The following MCUB variants were observed in gnomAD, a reference collection of about 807,000 sequenced individuals.
MCUB encodes the protein calcium uniporter regulatory subunit MCUb, mitochondrial.
A neutral mutation model predicts 41.4 loss-of-function variants in MCUB; 46 were observed. The observed-to-expected ratio is 1.11, with a 90% CI of 0.88 to 1.42. The LOEUF is 1.42. Among genes scored for constraint, MCUB ranks in the 40% most tolerant of loss-of-function variants. The probability of loss-of-function intolerance (pLI) is 0.00; values close to 1 mark genes in which losing one functional copy is unlikely to be tolerated. For synonymous variants in MCUB, 148 were observed against 148.2 expected (o/e 1.00, Z 0.01); for missense variants, 403 against 404.9 (o/e 1.00, Z 0.04).
Position 109,588,437 on chromosome 4 carries a change from A to G in MCUB, c.99+28001A>G, listed in dbSNP as rs566018580. 4.6e-5 allele frequency among the ~76,000 whole-genome samples: 7 copies of G among 152,320 alleles called. No homozygotes were observed. In the South Asian group the frequency reaches 1.5e-3, roughly 32 times the overall value. ...TATTTGAGTCACTGAATTCAGTTGCATCTTACTCTGTGCCAGCTAATCTGA... is the reference window on the plus strand; with the variant it reads ...TATTTGAGTCACTGAATTCAGTTGCGTCTTACTCTGTGCCAGCTAATCTGA... On this transcript the variant is annotated intron_variant, in intron 1 of 7. Coordinates refer to ENST00000394650, the MANE Select transcript of MCUB (RefSeq NM_017918.5).
At chr4:109,598,379 G>A (rs990309114) in intron 1 of MCUB, among the ~76,000 whole-genome samples, 23 of 152,192 alleles carry the variant, frequency 1.5e-4, no homozygotes, top group African/African-American at 5.3e-4. Flanking sequence ...GATCACTCGC[G>A]GTTAGGAGCT....
At chr4:109,620,842 G>A (rs1342441747) in intron 1 of MCUB, among the ~76,000 whole-genome samples, 1 of 151,906 alleles carries the variant, frequency 6.6e-6, no homozygotes, top group African/African-American at 2.4e-5. Context: ...TTATGGGACT[G>A]AAGCTCAGAG....
chr4:109,658,677 T>C (rs1355433479), intron 1 of MCUB, among the ~76,000 whole-genome samples: 1 of 152,198 alleles, frequency 6.6e-6, no homozygotes, highest in African/African-American at 2.4e-5. Context: ...AGACTAGATA[T>C]ACTTATGTCC....
chr4:109,597,494 T>C (rs1727593099), intron 1 of MCUB, among the ~76,000 whole-genome samples: 2 of 139,688 alleles, frequency 1.4e-5, no homozygotes, highest in South Asian at 2.3e-4. Context: ...ACGGGGCGGC[T>C]GGCCGGGCGG....
At chr4:109,566,566 G>T (rs554128884) in intron 1 of MCUB, among the ~76,000 whole-genome samples, 8 of 152,230 alleles carry the variant, frequency 5.3e-5, no homozygotes, top group African/African-American at 1.7e-4. Context: ...TCATAAAAGA[G>T]AATTTTTCAA....
chr4:109,560,416 C>T lies in MCUB; in HGVS notation c.79C>T (p.Pro27Ser). The T allele has an allele frequency of 7.7e-7, 1 of 1,301,406 alleles. No homozygotes were observed. Among genetic ancestry groups the T allele is most frequent in the Non-Finnish European group, 9.7e-7 (1 of 1,025,934 alleles). 80.6% of individuals were successfully genotyped at this position (1,301,406 alleles called of 1,614,324 possible). A position where few individuals can be genotyped will look rare whatever the true frequency, so the allele number is the denominator to read the frequency against. The change falls in exon 1 of 8, where the codon CCG becomes TCG. Residue 27 changes from proline (P) to serine (S), a missense_variant. By Grantham distance (74) the Pro-to-Ser change is moderately conservative (BLOSUM62 -1). Coordinates refer to ENST00000394650, the MANE Select transcript of MCUB (RefSeq NM_017918.5). ...CACCTGGCGCCCAGCGCGCCCGTGG[C>T]CGCTGCCGCCTCCGCCCCAGGTAAG... is the stretch of plus-strand genomic sequence containing the variant. ...PGTWRPARPWPLPPPPQVLRV... is the reference protein window; with the variant it reads ...PGTWRPARPWSLPPPPQVLRV...
chr4:109,593,785 A>AT (rs1276402853), intron 1 of MCUB, among the ~76,000 whole-genome samples: 4 of 152,044 alleles, frequency 2.6e-5, no homozygotes, highest in African/African-American at 7.2e-5. Context: ...AGCTATTTTG[A>AT]TTTTTACTTT....
chr4:109,682,590 A>G lies in MCUB; in HGVS notation c.460A>G (p.Ser154Gly), dbSNP rs750749911. The part of the protein sequence containing the change: ...DVQCPKREKP[S>G]NEHTAEMEHM... ...CTTGTGTCTTTTCTCAGAAAAACCAAGTAATGAGCACACTGCTGAGATGGA... is the reference window on the plus strand; with the variant it reads ...CTTGTGTCTTTTCTCAGAAAAACCAGGTAATGAGCACACTGCTGAGATGGA... The change falls in exon 5 of 8, where the codon AGT (serine) becomes GGT (glycine). Residue 154 changes from serine (S) to glycine (G), a missense_variant. Transcript: ENST00000394650. 1.9e-6 allele frequency: 3 copies of G among 1,603,552 alleles called. No individual in the cohort carries two copies. The highest frequency in any genetic ancestry group is 2.6e-6 in the Non-Finnish European group (3 of 1,176,258).
intron 1 of MCUB, among the ~76,000 whole-genome samples, chr4:109,603,657 C>G (rs1027531388): frequency 6.6e-6 from 1 of 150,830 alleles, no homozygotes; most frequent in South Asian, 2.1e-4. Context: ...AACTGAGGAG[C>G]GCCTCTGCCC....
chr4:109,583,745 C>G (rs1049441843), intron 1 of MCUB, among the ~76,000 whole-genome samples: 4 of 152,078 alleles, frequency 2.6e-5, no homozygotes, highest in Non-Finnish European at 4.4e-5. Flanking sequence ...TCATCAATAC[C>G]TAGTTTACTG....
At chr4:109,658,950 C>T in intron 1 of MCUB, 61 bp from the exon 2 acceptor site, 1 of 893,794 alleles carries the variant, frequency 1.1e-6, no homozygotes, top group Non-Finnish European at 1.8e-6. Flanking sequence ...AAAATAAAGA[C>T]ACTTATTTCA....
chr4:109,628,972 G>A (rs960573250), intron 1 of MCUB, among the ~76,000 whole-genome samples: 1 of 152,148 alleles, frequency 6.6e-6, no homozygotes, highest in Non-Finnish European at 1.5e-5. Context: ...AGAAGCCACC[G>A]AAGAGTGAAA....
At chr4:109,603,753 C>A (rs1263447419) in intron 1 of MCUB, among the ~76,000 whole-genome samples, 1 of 151,662 alleles carries the variant, frequency 6.6e-6, no homozygotes, top group African/African-American at 2.4e-5. Context: ...CCGGCAGCTG[C>A]CCCGTCTGGG....
chr4:109,562,001 T>C (rs1246861221), intron 1 of MCUB, among the ~76,000 whole-genome samples: 4 of 152,316 alleles, frequency 2.6e-5, no homozygotes. Context: ...TCCGCCCGTC[T>C]CAGCCCCGCA....
intron 1 of MCUB, among the ~76,000 whole-genome samples, chr4:109,627,612 G>A (rs969482234): frequency 1.3e-5 from 2 of 152,120 alleles, no homozygotes; most frequent in Non-Finnish European, 2.9e-5. Flanking sequence ...GAACACAGAG[G>A]CAAGATCCTT....
chr4:109,620,772 C>T (rs1728234651), intron 1 of MCUB, among the ~76,000 whole-genome samples: 1 of 152,128 alleles, frequency 6.6e-6, no homozygotes, highest in African/African-American at 2.4e-5. Context: ...AAGCCTCTTC[C>T]CCTAAGCTTT....
chr4:109,592,266 C>T (rs1461400648), intron 1 of MCUB, among the ~76,000 whole-genome samples: 5 of 151,564 alleles, frequency 3.3e-5, no homozygotes, highest in East Asian at 2.0e-4. Context: ...AAAAATTAGC[C>T]GGGTATGGTG....
intron 1 of MCUB, among the ~76,000 whole-genome samples, chr4:109,632,532 G>A (rs1026898444): frequency 2.0e-5 from 3 of 151,836 alleles, no homozygotes; most frequent in Admixed American, 6.6e-5. Flanking sequence ...TCAGTGTCTC[G>A]AATGAGATTG....
chr4:109,575,491 C>T (rs929128454), intron 1 of MCUB, among the ~76,000 whole-genome samples: 1 of 152,178 alleles, frequency 6.6e-6, no homozygotes, highest in African/African-American at 2.4e-5. Flanking sequence ...TCCATCTTGA[C>T]ATATGAAATT....
Sources: allele counts gnomAD v4.1 joint callset (sites outside exome capture counted in the v4.1 genomes callset), GRCh38; gene constraint gnomAD v4.1.1; transcripts MANE v1.5; gene names NCBI Gene and HGNC (gene_info 2026-07-23, HGNC 2026-07-21).